The following SPRING1 variants were observed in gnomAD, a reference collection of about 807,000 sequenced individuals.
The protein encoded by SPRING1 is SREBP regulating gene protein.
SPRING1 carries 14 observed loss-of-function variants against 24.7 expected under a neutral mutation model. That is an observed-to-expected ratio of 0.57 (90% CI 0.37 to 0.88). The LOEUF is 0.88. Among genes scored for constraint, SPRING1 ranks in the 40% least tolerant of loss-of-function variants. The probability of loss-of-function intolerance (pLI) is 0.00; values close to 1 mark genes in which losing one functional copy is unlikely to be tolerated. For synonymous variants in SPRING1, 93 were observed against 106.1 expected (o/e 0.88, Z 0.76); for missense variants, 255 against 268.4 (o/e 0.95, Z 0.35).
chr12:116,734,124 G>A (rs970509719), intron 1 of SPRING1, among the ~76,000 whole-genome samples: 16 of 152,178 alleles, frequency 1.1e-4, no homozygotes, highest in African/African-American at 3.1e-4. Context: ...TGATCTGCCT[G>A]CCTCAGACTC....
At position 116,736,980 on chromosome 12, in the gene SPRING1, C is replaced by T. The variant is rs967519186; in HGVS notation, c.111+810G>A. Among the ~76,000 whole-genome samples the T allele has an allele frequency of 2.6e-5, 4 of 152,316 alleles. No individual in the cohort carries two copies. The East Asian group carries it at 7.7e-4, about 29-fold the overall frequency. On this transcript the variant is annotated intron_variant, in intron 1 of 4. Transcript: ENST00000261318. ...ACCCTCGCCACCTATGTCTTGGTTT[C>T]CCCCACTGTAATACTGGGAACCCCA...
rs963495850 is a variant in SPRING1, at chr12:116,715,023, T to A, written c.*2787A>T. ...CTCAATTCCCTTGAGCCGAAAACAC[T>A]CACTTATTAACAATATTTTTTTCTT... On this transcript the variant is annotated 3_prime_UTR_variant, in exon 5 of 5. Transcript: ENST00000261318. 2.6e-5 allele frequency: 4 copies of A among 151,822 alleles called. No homozygotes were observed. The highest frequency in any genetic ancestry group is 4.4e-5 in the Non-Finnish European group (3 of 67,984). The allele number at this position is 151,822 out of a possible 1,614,324, so 9.4% of individuals were successfully genotyped here. A position where few individuals can be genotyped will look rare whatever the true frequency, so the allele number is the denominator to read the frequency against.
At chr12:116,718,654 T>C (rs1870269939) in intron 4 of SPRING1, among the ~76,000 whole-genome samples, 1 of 152,252 alleles carries the variant, frequency 6.6e-6, no homozygotes, top group South Asian at 2.1e-4. Context: ...GACCAAGTCC[T>C]AAAGTATAGT....
chr12:116,711,052 A>C lies in SPRING1; in HGVS notation c.*6758T>G, dbSNP rs915074841. On this transcript the variant is annotated 3_prime_UTR_variant, in exon 5 of 5. Coordinates refer to ENST00000261318, the MANE Select transcript of SPRING1 (RefSeq NM_024738.4). ...ACGCACACACAGAGCCAATGTATGG[A>C]AACATCCCTGAGAATATATAATGTC... is the stretch of plus-strand genomic sequence containing the variant. 7.3e-6 allele frequency: 1 copy of C among 137,682 alleles called. No homozygotes were observed. The highest frequency in any genetic ancestry group is 7.3e-5 in the Admixed American group (1 of 13,770). 8.5% of individuals were successfully genotyped at this position (137,682 alleles called of 1,614,324 possible).
chr12:116,723,302 C>T, intron 1 of SPRING1, 79 bp from the exon 2 acceptor site: 1 of 1,518,136 alleles, frequency 6.6e-7, no homozygotes, highest in Non-Finnish European at 9.0e-7. Context: ...ACAGAAACTA[C>T]AGTAAGAGGA....
At position 116,725,274 on chromosome 12, in the gene SPRING1, C is replaced by T. The variant is rs546639587; in HGVS notation, c.112-2051G>A. Among the ~76,000 whole-genome samples the T allele has an allele frequency of 7.9e-5, 12 of 152,286 alleles. 1 individual carries two copies. Among genetic ancestry groups the T allele is most frequent in the South Asian group, 2.1e-4 (1 of 4,822 alleles). ...TCACGCCATCCCATTCCGTCCCGCC[C>T]GGGCTGTGCATCATTCCTTTATCCA... On this transcript the variant is annotated intron_variant, in intron 1 of 4. Coordinates refer to ENST00000261318, the MANE Select transcript of SPRING1 (RefSeq NM_024738.4).
At position 116,720,345 on chromosome 12, in the gene SPRING1, C is replaced by G. The variant is rs766567103; in HGVS notation, c.371G>C (p.Cys124Ser). 33 of 1,614,092 alleles carry G rather than the reference C, an allele frequency of 2.0e-5. No homozygotes were observed. Among genetic ancestry groups the G allele is most frequent in the Non-Finnish European group, 2.7e-5 (32 of 1,180,036 alleles). The change falls in exon 3 of 5, where the codon TGC (cysteine) becomes TCC (serine). Residue 124 changes from cysteine (C) to serine (S), a missense_variant. Cys to Ser is a moderately radical substitution (Grantham distance 112, BLOSUM62 -1). Transcript: ENST00000261318. This position sits in a 1 kb window ranked among gnomAD's most constrained non-coding sequence, Gnocchi z 4.0. ...YCCDGCWPNG[C>S]CSAYEYCVSC... ...GACACAGTACTCATAGGCGCTGCAGCAGCCGTTGGGCCAGCAGCCATCACA... is the reference window on the plus strand; with the variant it reads ...GACACAGTACTCATAGGCGCTGCAGGAGCCGTTGGGCCAGCAGCCATCACA...
rs2137028789 is a variant in SPRING1, at chr12:116,717,201, T to C, written c.*609A>G. 1 of 152,330 alleles carries C rather than the reference T, an allele frequency of 6.6e-6. No homozygotes were observed. The highest frequency in any genetic ancestry group is 1.9e-4 in the East Asian group (1 of 5,190). The allele number at this position is 152,330 out of a possible 1,614,324, so 9.4% of individuals were successfully genotyped here. The stretch of plus-strand genomic sequence containing the variant: ...GCTAACAGGTCACGTTCAGGGCCTA[T>C]GCTTGATACTGTCGAAATACAAACA... On this transcript the variant is annotated 3_prime_UTR_variant, in exon 5 of 5. Coordinates refer to ENST00000261318, the MANE Select transcript of SPRING1 (RefSeq NM_024738.4). This position sits in a 1 kb window ranked among gnomAD's most constrained non-coding sequence, Gnocchi z 4.2.
Position 116,728,619 on chromosome 12 carries a change from C to T in SPRING1, c.112-5396G>A, listed in dbSNP as rs567760208. ...CTCCAGGCAAAAGCTGCCGCATCTG[C>T]GCCATGAGTTTCCAGTCTCACCGCA... On this transcript the variant is annotated intron_variant, in intron 1 of 4. Coordinates refer to ENST00000261318, the MANE Select transcript of SPRING1 (RefSeq NM_024738.4). The surrounding 1 kb of genome is among the most constrained non-coding windows in gnomAD (Gnocchi z 4.2). 1.1e-4 allele frequency among the ~76,000 whole-genome samples: 16 copies of T among 152,248 alleles called. No individual in the cohort carries two copies. The highest frequency in any genetic ancestry group is 1.9e-4 in the Non-Finnish European group (13 of 68,050).
In SPRING1 at chr12:116,720,257, G is replaced by T; in HGVS notation, c.420+39C>A. ...GCTCATCATAAAACAGAGGCCGAAA[G>T]AAAAAAGGAGCCGCAGAACCAGGAT... is the stretch of plus-strand genomic sequence containing the variant. On this transcript the variant is annotated intron_variant, in intron 3 of 4. Coordinates refer to ENST00000261318, the MANE Select transcript of SPRING1 (RefSeq NM_024738.4). The surrounding 1 kb of genome is among the most constrained non-coding windows in gnomAD (Gnocchi z 4.0). 2 of 1,563,140 alleles carry T rather than the reference G, an allele frequency of 1.3e-6. No individual in the cohort carries two copies. Among genetic ancestry groups the T allele is most frequent in the Non-Finnish European group, 1.7e-6 (2 of 1,160,388 alleles).
rs565304344 is a variant in SPRING1, at chr12:116,732,536, C to T, written c.111+5254G>A. On this transcript the variant is annotated intron_variant, in intron 1 of 4. Coordinates refer to ENST00000261318, the MANE Select transcript of SPRING1 (RefSeq NM_024738.4). Reference sequence around the variant, plus strand: ...CAGCCTGGCCAACATGGCGAAACCCCGTCTCTACTAAAAATACAAAATTAG... The same window carrying T: ...CAGCCTGGCCAACATGGCGAAACCCTGTCTCTACTAAAAATACAAAATTAG... Among the ~76,000 whole-genome samples the T allele has an allele frequency of 1.9e-3, 284 of 152,248 alleles. 1 individual carries two copies. The highest frequency in any genetic ancestry group is 3.0e-3 in the Admixed American group (46 of 15,286).
At chr12:116,737,036 C>T (rs1871257404) in intron 1 of SPRING1, among the ~76,000 whole-genome samples, 1 of 152,196 alleles carries the variant, frequency 6.6e-6, no homozygotes, top group Non-Finnish European at 1.5e-5. Context: ...AAGATGAAGC[C>T]AGCAAATGCA....
At chr12:116,729,620 C>T (rs930679245) in intron 1 of SPRING1, among the ~76,000 whole-genome samples, 3 of 152,144 alleles carry the variant, frequency 2.0e-5, no homozygotes, top group East Asian at 1.9e-4. Context: ...CAGATGCACA[C>T]GATGGAATAT....
Position 116,724,071 on chromosome 12 carries a change from C to T in SPRING1, c.112-848G>A, listed in dbSNP as rs1246596167. ...CGAGCTTGAGACGGCCTCTTCTGAA[C>T]GCTTCAGTAAGCTACTGGATAATAA... On this transcript the variant is annotated intron_variant, in intron 1 of 4. Transcript: ENST00000261318. Among the ~76,000 whole-genome samples, 7 of 152,094 alleles carry T rather than the reference C, an allele frequency of 4.6e-5. No individual in the cohort carries two copies. The East Asian group carries it at 5.8e-4, about 13-fold the overall frequency.
rs1285015727 is a variant in SPRING1 at position 116,712,316 on chromosome 12, C to G, written c.*5494G>C. The G allele has an allele frequency of 6.6e-6, 1 of 152,198 alleles. No homozygotes were observed. Among genetic ancestry groups the G allele is most frequent in the Non-Finnish European group, 1.5e-5 (1 of 68,048 alleles). The allele number at this position is 152,198 out of a possible 1,614,324, so 9.4% of individuals were successfully genotyped here. ...TGAGTAGGTTCTGTGGAGACGCAGT[C>G]GGCCCATATGCACGTCACCACTCGG... On this transcript the variant is annotated 3_prime_UTR_variant, in exon 5 of 5. Transcript: ENST00000261318.
chr12:116,712,867 G>C lies in SPRING1; in HGVS notation c.*4943C>G, dbSNP rs1476262173. On this transcript the variant is annotated 3_prime_UTR_variant, in exon 5 of 5. Coordinates refer to ENST00000261318, the MANE Select transcript of SPRING1 (RefSeq NM_024738.4). ...ATGCCATTCCTTGAGGCAGCGCTGG[G>C]CTAGTAGAGACCTGTGAGGAAGTAA... 6.6e-6 allele frequency: 1 copy of C among 152,416 alleles called. No homozygotes were observed. Among genetic ancestry groups the C allele is most frequent in the Non-Finnish European group, 1.5e-5 (1 of 68,118 alleles). The allele number at this position is 152,416 out of a possible 1,614,324, so 9.4% of individuals were successfully genotyped here. A position where few individuals can be genotyped will look rare whatever the true frequency, so the allele number is the denominator to read the frequency against.
intron 1 of SPRING1, among the ~76,000 whole-genome samples, chr12:116,724,036 GAA>G (rs1870566038): frequency 6.6e-6 from 1 of 152,070 alleles, no homozygotes; most frequent in South Asian, 2.1e-4. Flanking sequence ...CTAAGTGCTA[GAA>G]AACAAGCCGA....
chr12:116,726,748 T>G (rs185401118), intron 1 of SPRING1, among the ~76,000 whole-genome samples: 27 of 152,306 alleles, frequency 1.8e-4, no homozygotes, highest in Admixed American at 5.9e-4. Flanking sequence ...CCATAAAGAT[T>G]ATTAAGAGCT....
intron 1 of SPRING1, among the ~76,000 whole-genome samples, chr12:116,735,002 C>T (rs1871154700): frequency 6.6e-6 from 1 of 152,168 alleles, no homozygotes; most frequent in Admixed American, 6.5e-5. Context: ...TGGGCTACTG[C>T]AGTGGTCCAG....
Sources: gnomAD v4.1 joint callset for allele counts (sites outside exome capture counted in the v4.1 genomes callset) on GRCh38, gnomAD v4.1.1 for gene constraint, Gnocchi (gnomAD v3.1) non-coding constraint, MANE v1.5 for transcripts, NCBI Gene and HGNC (gene_info 2026-07-23, HGNC 2026-07-21) for gene names.